The following ARL3 variants were observed in gnomAD, a reference collection of about 807,000 sequenced individuals.
The protein encoded by ARL3 is ADP-ribosylation factor-like protein 3.
A neutral mutation model predicts 26.0 loss-of-function variants in ARL3; 9 were observed. That is an observed-to-expected ratio of 0.35 (90% CI 0.21 to 0.60). The LOEUF is 0.60. Among genes scored for constraint, ARL3 ranks in the 20% least tolerant of loss-of-function variants. ARL3 has a pLI of 0.78. For missense variants in ARL3, 158 were observed against 215.7 expected (o/e 0.73, Z 1.67); for synonymous variants, 71 against 78.4 (o/e 0.91, Z 0.50).
intron 1 of ARL3, among the ~76,000 whole-genome samples, chr10:102,708,908 A>ATATTTTTT: frequency 3.1e-5 from 3 of 95,348 alleles, no homozygotes; most frequent in Non-Finnish European, 6.0e-5. Context: ...ATATATATAT[A>ATATTTTTT]TTTTTTTTTT....
chr10:102,695,625 C>T (rs2064243077), intron 3 of ARL3, among the ~76,000 whole-genome samples: 3 of 151,916 alleles, frequency 2.0e-5, no homozygotes, highest in Admixed American at 6.6e-5. Context: ...CTCCACCTTC[C>T]GGGTTTAAGC....
At chr10:102,686,118 C>T in intron 4 of ARL3, 117 bp from the exon 5 acceptor site, 1 of 872,840 alleles carries the variant, frequency 1.1e-6, no homozygotes, top group African/African-American at 1.7e-5. Flanking sequence ...GTCACCCAGG[C>T]TGGAGTGCAA....
chr10:102,709,287 G>GTT (rs796453015), intron 1 of ARL3, among the ~76,000 whole-genome samples: 54 of 145,710 alleles, frequency 3.7e-4, no homozygotes, highest in African/African-American at 1.3e-3. Flanking sequence ...TAAAAATACT[G>GTT]TTTTTTTTTT....
At chr10:102,707,870 A>G (rs1217901605) in intron 1 of ARL3, among the ~76,000 whole-genome samples, 2 of 152,178 alleles carry the variant, frequency 1.3e-5, no homozygotes, top group Non-Finnish European at 2.9e-5. Context: ...ATAGATTGGA[A>G]ACAAACAGAA....
intron 5 of ARL3, among the ~76,000 whole-genome samples, chr10:102,680,093 G>T (rs891639457): frequency 6.6e-6 from 1 of 151,962 alleles, no homozygotes; most frequent in Non-Finnish European, 1.5e-5. Flanking sequence ...ACAGGCGCCC[G>T]CCACCATGCC....
chr10:102,682,480 G>C (rs1045453715), intron 5 of ARL3, among the ~76,000 whole-genome samples: 9 of 152,140 alleles, frequency 5.9e-5, no homozygotes, highest in Admixed American at 3.9e-4. Context: ...TAATGGCTTC[G>C]TATGTGCTGC....
chr10:102,693,808 G>A (rs1032918123), intron 3 of ARL3, among the ~76,000 whole-genome samples: 4 of 152,044 alleles, frequency 2.6e-5, no homozygotes, highest in African/African-American at 9.7e-5. Context: ...GAGTAGCTGG[G>A]ACTACAGGTC....
chr10:102,694,318 C>G (rs1330973249), intron 3 of ARL3, among the ~76,000 whole-genome samples: 1 of 152,102 alleles, frequency 6.6e-6, no homozygotes, highest in Non-Finnish European at 1.5e-5. Flanking sequence ...TCATTTAAGT[C>G]CAATTTATTT....
intron 5 of ARL3, among the ~76,000 whole-genome samples, chr10:102,681,255 G>C (rs1379413781): frequency 6.6e-6 from 1 of 152,028 alleles, no homozygotes; most frequent in Non-Finnish European, 1.5e-5. Flanking sequence ...AGCCAGGCGT[G>C]GTGGTGGGCA....
chr10:102,700,423 T>A (rs1554863363), intron 2 of ARL3, among the ~76,000 whole-genome samples: 3 of 42,334 alleles, frequency 7.1e-5, no homozygotes, highest in African/African-American at 1.8e-4. Context: ...AAAAAAAAAG[T>A]GCTTTCATAG....
rs1489584418 is a variant in ARL3 at position 102,710,080 on chromosome 10, T to A, written c.3+4193A>T. Among the ~76,000 whole-genome samples, 5 of 152,190 alleles carry A rather than the reference T, an allele frequency of 3.3e-5. No individual in the cohort carries two copies. In the East Asian group the frequency reaches 5.8e-4, roughly 18 times the overall value. ...TAGATAAACTTTATTAACCTAATGG[T>A]GTAGAATACAGTGCTTCTACATTTC... On this transcript the variant is annotated intron_variant, in intron 1 of 5. Transcript: ENST00000260746.
intron 1 of ARL3, among the ~76,000 whole-genome samples, chr10:102,708,421 G>A (rs1392130736): frequency 6.6e-6 from 1 of 151,990 alleles, no homozygotes; most frequent in Non-Finnish European, 1.5e-5. Flanking sequence ...GAAAAGAAGA[G>A]GTCTCATTAC....
At chr10:102,702,637 AAAAAAC>A (rs1458535589) in intron 2 of ARL3, among the ~76,000 whole-genome samples, 1 of 152,164 alleles carries the variant, frequency 6.6e-6, no homozygotes, top group Non-Finnish European at 1.5e-5. Flanking sequence ...GCTAATACTA[AAAAAAC>A]AAAAACAAAA....
At chr10:102,679,929 T>C (rs970733249) in intron 5 of ARL3, among the ~76,000 whole-genome samples, 1 of 152,176 alleles carries the variant, frequency 6.6e-6, no homozygotes, top group Non-Finnish European at 1.5e-5. Flanking sequence ...AAATGTTCCA[T>C]ACCACTCTTG....
intron 1 of ARL3, among the ~76,000 whole-genome samples, chr10:102,706,400 C>T (rs1000290733): frequency 6.6e-6 from 1 of 151,730 alleles, no homozygotes; most frequent in Non-Finnish European, 1.5e-5. Context: ...TGCAGTGAGC[C>T]GATATTGCAC....
At chr10:102,702,767 G>T (rs2064286997) in intron 2 of ARL3, among the ~76,000 whole-genome samples, 1 of 152,140 alleles carries the variant, frequency 6.6e-6, no homozygotes, top group Non-Finnish European at 1.5e-5. Context: ...ACTGTAATTT[G>T]CTTGGGCTAT....
chr10:102,703,787 C>G (rs2064293900), intron 2 of ARL3, among the ~76,000 whole-genome samples: 1 of 151,934 alleles, frequency 6.6e-6, no homozygotes, highest in Non-Finnish European at 1.5e-5. Context: ...CTATCATTCC[C>G]TTATCCTTTA....
chr10:102,706,627 A>G (rs147533313), intron 1 of ARL3, among the ~76,000 whole-genome samples: 75 of 152,278 alleles, frequency 4.9e-4, no homozygotes, highest in African/African-American at 1.5e-3. Flanking sequence ...GCATCCATGA[A>G]GCAAAACAAA....
intron 2 of ARL3, 45 bp from the exon 3 acceptor site, chr10:102,699,534 C>G: frequency 1.7e-6 from 2 of 1,159,038 alleles, no homozygotes; most frequent in Admixed American, 2.1e-5. Context: ...ACTTTGGGAT[C>G]ATAATTCTGA....
Sources: gnomAD v4.1 joint callset for allele counts (sites outside exome capture counted in the v4.1 genomes callset) on GRCh38, gnomAD v4.1.1 for gene constraint, MANE v1.5 for transcripts, NCBI Gene and HGNC (gene_info 2026-07-23, HGNC 2026-07-21) for gene names.